The following SCD5 variants were observed in gnomAD, a reference collection of about 807,000 sequenced individuals.
The protein encoded by SCD5 is acyl-CoA-desaturase 4.
Under a neutral mutation model 30.4 loss-of-function variants are expected in SCD5, and 20 were observed. The ratio of observed to expected loss-of-function variants is 0.66; its 90% confidence interval spans 0.46 to 0.96. The LOEUF (loss-of-function observed/expected upper bound fraction) is 0.96. SCD5 is among the 40% of genes least tolerant of loss of function. The probability of loss-of-function intolerance (pLI) is 0.00; values close to 1 mark genes in which losing one functional copy is unlikely to be tolerated. For synonymous variants in SCD5, 173 were observed against 176.4 expected, an observed-to-expected ratio of 0.98 and a Z score of 0.16; for missense variants, 381 against 443.3, an observed-to-expected ratio of 0.86 and a Z score of 1.26.
intron 1 of SCD5, among the ~76,000 whole-genome samples, chr4:82,781,118 A>G (rs74499495): frequency 6.6e-6 from 1 of 152,170 alleles, no homozygotes; most frequent in Non-Finnish European, 1.5e-5. Flanking sequence ...ACACTAAAAG[A>G]AAAAAGGACT....
chr4:82,654,190 A>G (rs936766586), intron 3 of SCD5, among the ~76,000 whole-genome samples: 3 of 152,256 alleles, frequency 2.0e-5, no homozygotes, highest in East Asian at 3.9e-4. Flanking sequence ...GTGAATGAGC[A>G]TGTTTCAACA....
Position 82,794,921 on chromosome 4 carries a change from G to A in SCD5, c.232+3385C>T, listed in dbSNP as rs1039544192. ...CCGCCTCGGCCTCCCAAACTGCTGG[G>A]ATTATAGGCGTGAGCCACCATGCCC... On this transcript the variant is annotated intron_variant, in intron 1 of 4. Transcript: ENST00000319540. Among the ~76,000 whole-genome samples, 5 of 152,232 alleles carry A rather than the reference G, an allele frequency of 3.3e-5. No homozygotes were observed. In the South Asian group the frequency reaches 8.3e-4, roughly 25 times the overall value.
intron 1 of SCD5, among the ~76,000 whole-genome samples, chr4:82,761,464 A>T (rs1267104337): frequency 2.0e-5 from 3 of 152,206 alleles, no homozygotes; most frequent in Admixed American, 2.0e-4. Context: ...GATTTCAGGA[A>T]ATCCATCTGT....
At chr4:82,647,673 A>C (rs1235379452) in intron 3 of SCD5, among the ~76,000 whole-genome samples, 3 of 152,176 alleles carry the variant, frequency 2.0e-5, no homozygotes, top group Non-Finnish European at 2.9e-5. Flanking sequence ...TTTGCTCCAG[A>C]CAGCCTACCC....
intron 2 of SCD5, 52 bp downstream of exon 2, chr4:82,705,231 T>A: frequency 6.2e-7 from 1 of 1,600,906 alleles, no homozygotes; most frequent in South Asian, 1.1e-5. Context: ...CCTCCTCCCA[T>A]ACTGCCATCT....
chr4:82,798,001 C>T (rs1406833312), intron 1 of SCD5, among the ~76,000 whole-genome samples: 1 of 151,386 alleles, frequency 6.6e-6, no homozygotes, highest in Non-Finnish European at 1.5e-5. Context: ...ACAGCGGTGG[C>T]ACCGCAGGAC....
chr4:82,769,179 T>G (rs904303207), intron 1 of SCD5, among the ~76,000 whole-genome samples: 5 of 152,038 alleles, frequency 3.3e-5, no homozygotes, highest in Non-Finnish European at 5.9e-5. Context: ...GAGTCTAGAG[T>G]GAAGATCTCT....
At chr4:82,691,179 C>A (rs1053013705) in intron 2 of SCD5, among the ~76,000 whole-genome samples, 3 of 152,192 alleles carry the variant, frequency 2.0e-5, no homozygotes, top group Non-Finnish European at 4.4e-5. Flanking sequence ...GCACTCACCA[C>A]CACACCCAGC....
chr4:82,745,011 C>T (rs972206845), intron 1 of SCD5, among the ~76,000 whole-genome samples: 1 of 152,062 alleles, frequency 6.6e-6, no homozygotes, highest in Non-Finnish European at 1.5e-5. Context: ...GGGTATTGAG[C>T]CCTATTTCTG....
chr4:82,641,675 A>G (rs990582765), intron 3 of SCD5, among the ~76,000 whole-genome samples: 1 of 152,138 alleles, frequency 6.6e-6, no homozygotes. Context: ...TGTAGGAGAT[A>G]AAGTAGGAAT....
rs1397377535 is a variant in SCD5 at position 82,746,775 on chromosome 4, G to A, written c.233-41362C>T. Among the ~76,000 whole-genome samples, 4 of 152,130 alleles carry A rather than the reference G, an allele frequency of 2.6e-5. No homozygotes were observed. The East Asian group carries it at 7.8e-4, about 30-fold the overall frequency. On this transcript the variant is annotated intron_variant, in intron 1 of 4. Coordinates refer to ENST00000319540, the MANE Select transcript of SCD5 (RefSeq NM_001037582.3). Reference sequence around the variant, plus strand: ...AAGAGCAAGGGAGGTGCTGAGTAGAGAAGAGCGGGGTCCCTGGCAAGGGCT... The same window carrying A: ...AAGAGCAAGGGAGGTGCTGAGTAGAAAAGAGCGGGGTCCCTGGCAAGGGCT...
chr4:82,712,297 T>TA (rs1560540874), intron 1 of SCD5, among the ~76,000 whole-genome samples: 46 of 33,546 alleles, frequency 1.4e-3, no homozygotes, highest in Non-Finnish European at 2.3e-3. Context: ...TATATATATA[T>TA]TTTATTTTTA....
rs1042992646 is a variant in SCD5, at chr4:82,658,228, G to C, written c.570-21405C>G. ...CCCATTCAGTATGATATTGGCTGTG[G>C]GTTTGTCATAAATAGCTGTTATTAT... On this transcript the variant is annotated intron_variant, in intron 3 of 4. Coordinates refer to ENST00000319540, the MANE Select transcript of SCD5 (RefSeq NM_001037582.3). Among the ~76,000 whole-genome samples, 5 of 152,166 alleles carry C rather than the reference G, an allele frequency of 3.3e-5. No individual in the cohort carries two copies. In the South Asian group the frequency reaches 1.0e-3, roughly 32 times the overall value.
chr4:82,798,154 A>C, intron 1 of SCD5, 152 bp downstream of exon 1: 1 of 848,698 alleles, frequency 1.2e-6, no homozygotes, highest in Non-Finnish European at 1.4e-6. Flanking sequence ...GGAAAACTGG[A>C]TGCCAAGGGG....
At chr4:82,786,574 C>A (rs548876551) in intron 1 of SCD5, among the ~76,000 whole-genome samples, 3 of 152,038 alleles carry the variant, frequency 2.0e-5, no homozygotes, top group African/African-American at 7.2e-5. Flanking sequence ...CCGAGGTGGG[C>A]GGATCACCTG....
chr4:82,730,647 G>A (rs541273421), intron 1 of SCD5, among the ~76,000 whole-genome samples: 19 of 138,894 alleles, frequency 1.4e-4, no homozygotes, highest in African/African-American at 4.4e-4. Context: ...GTGCAGTGGC[G>A]GGATCTTGGC....
At chr4:82,742,002 A>C (rs28475518) in intron 1 of SCD5, among the ~76,000 whole-genome samples, 8,794 of 150,174 alleles carry the variant, frequency 0.059, 343 homozygotes, top group South Asian at 0.11. Context: ...ATGGCGTGAA[A>C]CCGGGAGGTG....
At chr4:82,661,035 C>T (rs1313821548) in intron 3 of SCD5, 3 of 1,613,840 alleles carry the variant, frequency 1.9e-6, no homozygotes, top group Non-Finnish European at 2.5e-6. Context: ...CACACGCTGC[C>T]TCTTGATTGA....
chr4:82,646,093 A>C (rs1267110751), intron 3 of SCD5, among the ~76,000 whole-genome samples: 2 of 152,102 alleles, frequency 1.3e-5, no homozygotes, highest in African/African-American at 4.8e-5. Context: ...AGAAGCAAAC[A>C]CCACAACGGG....
Sources: gnomAD v4.1 joint callset for allele counts (sites outside exome capture counted in the v4.1 genomes callset) on GRCh38, gnomAD v4.1.1 for gene constraint, MANE v1.5 for transcripts, NCBI Gene and HGNC (gene_info 2026-07-23, HGNC 2026-07-21) for gene names.